The following LTBP2 variants were observed in gnomAD, a reference collection of about 807,000 sequenced individuals.
LTBP2 encodes the protein latent transforming growth factor beta binding protein 2, also known as latent-transforming growth factor beta-binding protein 2.
In LTBP2, 103 loss-of-function variants were observed where a neutral mutation model predicts 210.6. The ratio of observed to expected loss-of-function variants is 0.49; its 90% CI spans 0.42 to 0.58. The LOEUF (loss-of-function observed/expected upper bound fraction) is 0.58, where lower values mean the gene tolerates loss of function less well. LTBP2 is among the 20% of genes least tolerant of loss of function. LTBP2 has a pLI of 0.00. For synonymous variants in LTBP2, 1,007 were observed against 1,015.0 expected, an observed-to-expected ratio of 0.99 and a Z score of 0.15; for missense variants, 2,313 against 2,494.5, an observed-to-expected ratio of 0.93 and a Z score of 1.55.
intron 8 of LTBP2, among the ~76,000 whole-genome samples, chr14:74,547,306 C>G (rs1431683289): frequency 6.6e-6 from 1 of 152,184 alleles, no homozygotes; most frequent in Admixed American, 6.5e-5. Flanking sequence ...TGACACCCCA[C>G]CCAGAGGGCT....
At chr14:74,540,340 G>T (rs1309758798) in intron 8 of LTBP2, among the ~76,000 whole-genome samples, 1 of 152,038 alleles carries the variant, frequency 6.6e-6, no homozygotes, top group African/African-American at 2.4e-5. Context: ...GGGCGTGGTG[G>T]CATGAGCCTG....
intron 1 of LTBP2, among the ~76,000 whole-genome samples, chr14:74,605,885 G>C (rs1356414954): frequency 1.3e-5 from 2 of 152,166 alleles, no homozygotes; most frequent in African/African-American, 2.4e-5. Flanking sequence ...GGCCAGGCTG[G>C]GGCTGGTAGG....
intron 8 of LTBP2, among the ~76,000 whole-genome samples, chr14:74,540,858 TATA>T (rs1168701499): frequency 3.7e-5 from 2 of 54,100 alleles, no homozygotes; most frequent in African/African-American, 9.7e-5. Context: ...TTATATATAT[TATA>T]TATATTTATA....
chr14:74,526,199 C>CTGGTAGGAAGCCCGGA, intron 13 of LTBP2, 85 bp from the exon 14 acceptor site: 1 of 1,350,566 alleles, frequency 7.4e-7, no homozygotes, highest in Non-Finnish European at 1.0e-6. Context: ...CCCCCACCTC[C>CTGGTAGGAAGCCCGGA]GGGCTTCCTA....
At chr14:74,599,298 C>G (rs562625399) in intron 2 of LTBP2, among the ~76,000 whole-genome samples, 5 of 152,218 alleles carry the variant, frequency 3.3e-5, no homozygotes, top group Non-Finnish European at 5.9e-5. Flanking sequence ...TTGCCTGCCC[C>G]CTCCTCGACA....
chr14:74,504,956 G>T, intron 29 of LTBP2, 27 bp downstream of exon 29: 1 of 1,274,682 alleles, frequency 7.8e-7, no homozygotes. Flanking sequence ...CTGACCCTTC[G>T]AGGATCTGGA....
At chr14:74,575,906 C>T (rs2088051716) in intron 3 of LTBP2, among the ~76,000 whole-genome samples, 2 of 152,212 alleles carry the variant, frequency 1.3e-5, no homozygotes, top group African/African-American at 4.8e-5. Context: ...TTCTTCCTAA[C>T]CCCTCTGAGC....
chr14:74,564,682 C>A (rs1021528267), intron 3 of LTBP2, among the ~76,000 whole-genome samples: 1 of 151,848 alleles, frequency 6.6e-6, no homozygotes, highest in Non-Finnish European at 1.5e-5. Flanking sequence ...CAGGCCCAGC[C>A]AACTGGTGCT....
intron 8 of LTBP2, among the ~76,000 whole-genome samples, chr14:74,548,488 T>C (rs2087606523): frequency 6.6e-6 from 1 of 152,094 alleles, no homozygotes; most frequent in Non-Finnish European, 1.5e-5. Context: ...GGGGGCTTAG[T>C]CAATGTAAAT....
At chr14:74,544,233 C>G (rs981797705) in intron 8 of LTBP2, among the ~76,000 whole-genome samples, 3 of 152,172 alleles carry the variant, frequency 2.0e-5, no homozygotes, top group Non-Finnish European at 4.4e-5. Flanking sequence ...GGAGCCCCAC[C>G]CCAGCACAGC....
At chr14:74,584,898 G>A (rs919322671) in intron 3 of LTBP2, among the ~76,000 whole-genome samples, 1 of 152,072 alleles carries the variant, frequency 6.6e-6, no homozygotes, top group African/African-American at 2.4e-5. Context: ...CTTTCCTGCT[G>A]GAACCTAACC....
At chr14:74,548,357 T>A (rs979045828) in intron 8 of LTBP2, among the ~76,000 whole-genome samples, 2 of 152,062 alleles carry the variant, frequency 1.3e-5, no homozygotes, top group African/African-American at 2.4e-5. Context: ...ACCTCTTCAT[T>A]CCTGATGCCT....
rs1351283773 is a variant in LTBP2, at chr14:74,522,047, G to A, written c.2660-8C>T. ...TCAGACACTCGTTGTCATCTGACCAGAAGAAGGCAGGGAGGGAGGTCAGGG... is the reference window on the plus strand; with the variant it reads ...TCAGACACTCGTTGTCATCTGACCAAAAGAAGGCAGGGAGGGAGGTCAGGG... On this transcript the variant is annotated splice_region_variant and splice_polypyrimidine_tract_variant and intron_variant, in intron 16 of 35. Transcript: ENST00000261978. 1 of 1,611,062 alleles carries A rather than the reference G, an allele frequency of 6.2e-7. No homozygotes were observed. The highest frequency in any genetic ancestry group is 1.3e-5 in the African/African-American group (1 of 74,880).
At position 74,549,901 on chromosome 14, in the gene LTBP2, C is replaced by A; in HGVS notation, c.1751G>T (p.Trp584Leu). 2 of 1,614,178 alleles carry A rather than the reference C, an allele frequency of 1.2e-6. No individual in the cohort carries two copies. The highest frequency in any genetic ancestry group is 1.7e-6 in the Non-Finnish European group (2 of 1,180,016). The change falls in exon 8 of 36, where the codon TGG becomes TTG. Residue 584 changes from tryptophan to leucine, a missense_variant. Physicochemically the swap from Trp to Leu is moderately conservative, Grantham distance 61 (BLOSUM62 -2). This residue lies in a region of LTBP2 where 1,867 missense variants were observed against 1,976.9 expected (regional missense o/e 0.94). Coordinates refer to ENST00000261978, the MANE Select transcript of LTBP2 (RefSeq NM_000428.3). ...EDCCGSVGAF[W>L]GVTLCAPCPP... ...GCATGGGGCACACAAAGTCACCCCCCAGAAGGCTCCCACACTGCCACAGCA... is the reference window on the plus strand; with the variant it reads ...GCATGGGGCACACAAAGTCACCCCCAAGAAGGCTCCCACACTGCCACAGCA...
rs1367112796 is a variant in LTBP2 at position 74,506,678 on chromosome 14, G to A, written c.4033+20C>T. ...TTCCCTTCCCTGGCCCAGACCTTGGGTAGCCCACAGGCTCCTCACCCACAC... is the reference window on the plus strand; with the variant it reads ...TTCCCTTCCCTGGCCCAGACCTTGGATAGCCCACAGGCTCCTCACCCACAC... On this transcript the variant is annotated intron_variant, in intron 27 of 35. Coordinates refer to ENST00000261978, the MANE Select transcript of LTBP2 (RefSeq NM_000428.3). The A allele has an allele frequency of 5.6e-6, 9 of 1,612,284 alleles. No homozygotes were observed. In the East Asian group the frequency reaches 6.7e-5, roughly 12 times the overall value.
At chr14:74,506,227 G>C in intron 27 of LTBP2, 36 bp from the exon 28 acceptor site, 1 of 1,613,918 alleles carries the variant, frequency 6.2e-7, no homozygotes, top group South Asian at 1.1e-5. Context: ...GGGCAGAAAA[G>C]AGGCAGCCCG....
intron 8 of LTBP2, among the ~76,000 whole-genome samples, chr14:74,544,161 T>G (rs2087549553): frequency 6.6e-6 from 1 of 152,200 alleles, no homozygotes; most frequent in Admixed American, 6.5e-5. Flanking sequence ...CAACTGGAAT[T>G]CTGAAAATCC....
In LTBP2 at chr14:74,505,931, C is replaced by T. The variant is rs76414554; in HGVS notation, c.4177+117G>A. On this transcript the variant is annotated intron_variant, in intron 28 of 35. Coordinates refer to ENST00000261978, the MANE Select transcript of LTBP2 (RefSeq NM_000428.3). ...GCCCCGCCTGCACCTCCCTATGCTG[C>T]CCCAGGCCCTGGCCCAGTGTCCCCC... is the stretch of plus-strand genomic sequence containing the variant. 4.2e-6 allele frequency: 6 copies of T among 1,422,834 alleles called. No individual in the cohort carries two copies. The Admixed American group carries it at 6.9e-5, about 16-fold the overall frequency. 88.1% of individuals were successfully genotyped at this position (1,422,834 alleles called of 1,614,324 possible). A position where few individuals can be genotyped will look rare whatever the true frequency, so the allele number is the denominator to read the frequency against.
chr14:74,559,161 A>G (rs573330914), intron 3 of LTBP2, among the ~76,000 whole-genome samples: 49 of 152,340 alleles, frequency 3.2e-4, no homozygotes, highest in Middle Eastern at 3.4e-3. Flanking sequence ...CAAATAAGAA[A>G]ACATGACTGG....
Sources: gnomAD v4.1 joint callset for allele counts (sites outside exome capture counted in the v4.1 genomes callset) on GRCh38, gnomAD v4.1.1 for gene constraint, gnomAD v4.1.1 regional missense constraint, MANE v1.5 for transcripts, NCBI Gene and HGNC (gene_info 2026-07-23, HGNC 2026-07-21) for gene names.